The following ATRNL1 variants were observed in gnomAD, a reference collection of about 807,000 sequenced individuals.
ATRNL1 encodes attractin like 1, also known as attractin-like protein 1.
ATRNL1 carries 95 observed loss-of-function variants against 182.7 expected under a neutral mutation model. The observed-to-expected ratio is 0.52, with a 90% CI of 0.44 to 0.62. The LOEUF (loss-of-function observed/expected upper bound fraction) is 0.62, where lower values mean the gene tolerates loss of function less well. ATRNL1 is among the 20% of genes least tolerant of loss of function. The pLI is 0.00. For synonymous variants in ATRNL1, 576 were observed against 568.3 expected (o/e 1.01, Z -0.19); for missense variants, 1,471 against 1,679.5 (o/e 0.88, Z 2.17).
chr10:115,935,347 G>A (rs1476351671), intron 28 of ATRNL1, among the ~76,000 whole-genome samples: 2 of 152,192 alleles, frequency 1.3e-5, no homozygotes, highest in Non-Finnish European at 2.9e-5. Flanking sequence ...TTCAGTTGAT[G>A]TTAACAGAAT....
intron 26 of ATRNL1, among the ~76,000 whole-genome samples, chr10:115,670,684 A>G (rs546554246): frequency 6.6e-6 from 1 of 152,126 alleles, no homozygotes; most frequent in Non-Finnish European, 1.5e-5. Flanking sequence ...CTCTTTCTCA[A>G]CATTGATTAG....
intron 15 of ATRNL1, among the ~76,000 whole-genome samples, chr10:115,290,961 A>C (rs1313274280): frequency 6.6e-6 from 1 of 152,164 alleles, no homozygotes; most frequent in South Asian, 2.1e-4. Context: ...CACGTGGTTG[A>C]CAAAGAAAAG....
intron 24 of ATRNL1, among the ~76,000 whole-genome samples, chr10:115,484,418 A>T (rs1260914775): frequency 6.6e-6 from 1 of 151,670 alleles, no homozygotes; most frequent in African/African-American, 2.4e-5. Context: ...TATCAAATGC[A>T]GTGGCAGAAT....
intron 26 of ATRNL1, among the ~76,000 whole-genome samples, chr10:115,648,768 T>G (rs1329915731): frequency 6.6e-6 from 1 of 152,202 alleles, no homozygotes; most frequent in Non-Finnish European, 1.5e-5. Context: ...CTTTTGGTAT[T>G]GTTTCATTAT....
intron 1 of ATRNL1, among the ~76,000 whole-genome samples, chr10:115,094,920 G>T (rs1554862756): frequency 6.6e-6 from 1 of 152,132 alleles, no homozygotes; most frequent in Admixed American, 6.5e-5. Context: ...ATTTTTTTCT[G>T]ATCGGTTAAT....
intron 27 of ATRNL1, among the ~76,000 whole-genome samples, chr10:115,741,863 G>T (rs1177387987): frequency 2.0e-5 from 3 of 152,112 alleles, no homozygotes; most frequent in Non-Finnish European, 4.4e-5. Context: ...TAGGAAAATT[G>T]CTACAAAGAA....
At chr10:115,773,652 C>T (rs1949048848) in intron 27 of ATRNL1, among the ~76,000 whole-genome samples, 1 of 152,152 alleles carries the variant, frequency 6.6e-6, no homozygotes, top group African/African-American at 2.4e-5. Context: ...CCTTCTAAGA[C>T]TGGGGACCCC....
intron 26 of ATRNL1, among the ~76,000 whole-genome samples, chr10:115,703,955 A>T (rs1946818575): frequency 1.3e-5 from 2 of 152,060 alleles, no homozygotes; most frequent in South Asian, 4.1e-4. Context: ...AGAATATTTA[A>T]TTAATGATGG....
At chr10:115,366,586 G>A (rs1326899153) in intron 19 of ATRNL1, among the ~76,000 whole-genome samples, 3 of 149,396 alleles carry the variant, frequency 2.0e-5, no homozygotes, top group Non-Finnish European at 4.5e-5. Context: ...GATTTTGCTC[G>A]TTAGTTGATG....
At chr10:115,711,300 A>G (rs1215815068) in intron 26 of ATRNL1, among the ~76,000 whole-genome samples, 12 of 152,090 alleles carry the variant, frequency 7.9e-5, no homozygotes, top group African/African-American at 2.9e-4. Flanking sequence ...GGCTTCCCAG[A>G]TAAGAAGTTA....
chr10:115,301,737 A>G (rs1853478545), intron 16 of ATRNL1, 118 bp from the exon 17 acceptor site: 1 of 763,952 alleles, frequency 1.3e-6, no homozygotes. Context: ...TCATCATATT[A>G]TAATGCCACA....
chr10:115,900,000 A>G (rs1413457874), intron 28 of ATRNL1, among the ~76,000 whole-genome samples: 7 of 152,208 alleles, frequency 4.6e-5, no homozygotes, highest in Non-Finnish European at 7.4e-5. Flanking sequence ...TTTGCTTATC[A>G]GGATTTCAGG....
intron 17 of ATRNL1, among the ~76,000 whole-genome samples, chr10:115,303,035 C>T (rs116044661): frequency 0.012 from 1,782 of 150,154 alleles, 34 homozygotes; most frequent in African/African-American, 0.041. Context: ...CTGCTGCTCT[C>T]ATGACCTGTT....
chr10:115,874,448 T>A (rs1169639328), intron 28 of ATRNL1, among the ~76,000 whole-genome samples: 1 of 152,198 alleles, frequency 6.6e-6, no homozygotes, highest in Non-Finnish European at 1.5e-5. Context: ...TCTTTACAGG[T>A]GTTTCTTGAG....
At chr10:115,183,949 T>C (rs1554888273) in intron 8 of ATRNL1, among the ~76,000 whole-genome samples, 1 of 151,512 alleles carries the variant, frequency 6.6e-6, no homozygotes, top group Non-Finnish European at 1.5e-5. Flanking sequence ...CTCCAACACA[T>C]TCTTTTCTTA....
chr10:115,738,122 A>G (rs1948012563), intron 27 of ATRNL1, among the ~76,000 whole-genome samples: 1 of 76,604 alleles, frequency 1.3e-5, no homozygotes, highest in Non-Finnish European at 2.8e-5. Context: ...TTTAGAAGAT[A>G]ATGATTTTTT....
rs556629829 is a variant in ATRNL1 at position 115,221,110 on chromosome 10, T to C, written c.1532+5230T>C. On this transcript the variant is annotated intron_variant, in intron 9 of 28. Transcript: ENST00000355044. ...GTTTACAATAGGGTTTGCACTCCTA[T>C]GATAATCTAATGTTGCCACTCATCT... 2.8e-4 allele frequency among the ~76,000 whole-genome samples: 42 copies of C among 152,318 alleles called. No homozygotes were observed. In the Middle Eastern group the frequency reaches 0.01, roughly 37 times the overall value.
At chr10:115,119,602 A>G (rs1351069413) in intron 1 of ATRNL1, among the ~76,000 whole-genome samples, 4 of 152,054 alleles carry the variant, frequency 2.6e-5, no homozygotes, top group South Asian at 2.1e-4. Context: ...CATAAAATAG[A>G]AGATACAATT....
At chr10:115,272,017 C>CA (rs1851889281) in intron 13 of ATRNL1, among the ~76,000 whole-genome samples, 1 of 152,130 alleles carries the variant, frequency 6.6e-6, no homozygotes, top group African/African-American at 2.4e-5. Context: ...AAGTATGTGG[C>CA]AACTCCACCT....
Sources: allele counts gnomAD v4.1 joint callset (sites outside exome capture counted in the v4.1 genomes callset), GRCh38; gene constraint gnomAD v4.1.1; transcripts MANE v1.5; gene names NCBI Gene and HGNC (gene_info 2026-07-23, HGNC 2026-07-21).